The following PRPH2 variants were observed in gnomAD, a reference collection of about 807,000 sequenced individuals.
PRPH2 encodes peripherin-2.
In PRPH2, 17 loss-of-function variants were observed where a neutral mutation model predicts 31.3. The observed-to-expected ratio is 0.54, with a 90% CI of 0.37 to 0.81. PRPH2 has a LOEUF of 0.81. PRPH2 is among the 40% of genes least tolerant of loss of function. PRPH2 has a pLI of 0.00. For synonymous variants in PRPH2, 165 were observed against 184.4 expected (o/e 0.89, Z 0.85); for missense variants, 430 against 439.7 (o/e 0.98, Z 0.20).
At chr6:42,712,600 A>C (rs1225088240) in intron 1 of PRPH2, among the ~76,000 whole-genome samples, 1 of 152,154 alleles carries the variant, frequency 6.6e-6, no homozygotes, top group East Asian at 1.9e-4. Flanking sequence ...GCTAGGTGAT[A>C]GGGACGGGGT....
intron 1 of PRPH2, among the ~76,000 whole-genome samples, chr6:42,710,186 G>A (rs1800249109): frequency 6.6e-6 from 1 of 151,902 alleles, no homozygotes; most frequent in Non-Finnish European, 1.5e-5. Context: ...TGAAGACGGG[G>A]CTGTGTCTCC....
chr6:42,710,270 C>T (rs974074659), intron 1 of PRPH2, among the ~76,000 whole-genome samples: 7 of 152,142 alleles, frequency 4.6e-5, no homozygotes, highest in Non-Finnish European at 7.4e-5. Flanking sequence ...ATGGGGCTGT[C>T]TCCCCTCAAA....
At chr6:42,699,703 A>G (rs1029572930) in intron 2 of PRPH2, among the ~76,000 whole-genome samples, 3 of 152,212 alleles carry the variant, frequency 2.0e-5, no homozygotes, top group African/African-American at 4.8e-5. Flanking sequence ...CCTGGGCAAC[A>G]TAGCGAGACC....
chr6:42,704,755 A>T, intron 1 of PRPH2, 144 bp from the exon 2 acceptor site: 2 of 1,289,172 alleles, frequency 1.6e-6, no homozygotes, highest in Middle Eastern at 2.2e-4. Context: ...GCTACGTGCC[A>T]GTCACTGTTC....
At chr6:42,709,193 G>A (rs1347550966) in intron 1 of PRPH2, among the ~76,000 whole-genome samples, 2 of 152,080 alleles carry the variant, frequency 1.3e-5, no homozygotes, top group Non-Finnish European at 1.5e-5. Flanking sequence ...AGCCGGGCGT[G>A]GTGGCGGGCG....
chr6:42,711,196 G>A (rs564738284), intron 1 of PRPH2, among the ~76,000 whole-genome samples: 1 of 152,316 alleles, frequency 6.6e-6, no homozygotes, highest in Non-Finnish European at 1.5e-5. Flanking sequence ...ATTATCATGG[G>A]AGTGGGTTCC....
At chr6:42,708,761 G>A (rs1380263420) in intron 1 of PRPH2, among the ~76,000 whole-genome samples, 3 of 152,204 alleles carry the variant, frequency 2.0e-5, no homozygotes, top group Non-Finnish European at 4.4e-5. Flanking sequence ...ACACCACTGA[G>A]TCCTAAATAT....
In PRPH2 at chr6:42,704,552, C is replaced by T. The variant is rs61755804; in HGVS notation, c.641G>A (p.Cys214Tyr). The T allele has an allele frequency of 6.2e-7, 1 of 1,614,162 alleles. No homozygotes were observed. The change falls in exon 2 of 3, where the codon TGC becomes TAC. Residue 214 changes from cysteine to tyrosine, a missense_variant. Transcript: ENST00000230381. ...YLVDGVPFSCCNPSSPRPCIQ... is the reference protein window; with the variant it reads ...YLVDGVPFSCYNPSSPRPCIQ... ...GCAGGGCCGTGGCGAGCTAGGATTG[C>T]AGCAGCTGAAAGGGACGCCGTCCAC...
chr6:42,705,599 A>AAAAAATATATAT (rs1562424252), intron 1 of PRPH2, among the ~76,000 whole-genome samples: 19 of 21,466 alleles, frequency 8.9e-4, no homozygotes, highest in Admixed American at 2.6e-3. Flanking sequence ...AAAAAAAAAA[A>AAAAAATATATAT]ATATATATAT....
chr6:42,699,137 C>T (rs1237075337), intron 2 of PRPH2, among the ~76,000 whole-genome samples: 1 of 150,858 alleles, frequency 6.6e-6, no homozygotes, highest in African/African-American at 2.4e-5. Flanking sequence ...ACTACAAACT[C>T]TATCTCCTGT....
chr6:42,697,182 C>G lies in PRPH2; in HGVS notation c.*1113G>C, dbSNP rs1235072366. ...TCCTTCCCCTGAAAGCTTCTCTTTC[C>G]TAAAGAAAGTGAAAACTCCTGTATT... On this transcript the variant is annotated 3_prime_UTR_variant, in exon 3 of 3. Transcript: ENST00000230381. 6.6e-6 allele frequency: 1 copy of G among 152,112 alleles called. No individual in the cohort carries two copies. The highest frequency in any genetic ancestry group is 2.4e-5 in the African/African-American group (1 of 41,392). 9.4% of individuals were successfully genotyped at this position (152,112 alleles called of 1,614,324 possible).
chr6:42,697,904 C>T lies in PRPH2; in HGVS notation c.*391G>A, dbSNP rs1392642902. ...GGATAGAGTGAAGCAACATGGAGCT[C>T]ATAAGAGGTAAATTCTAAAAGGGGA... On this transcript the variant is annotated 3_prime_UTR_variant, in exon 3 of 3. Coordinates refer to ENST00000230381, the MANE Select transcript of PRPH2 (RefSeq NM_000322.5). 3 of 227,714 alleles carry T rather than the reference C, an allele frequency of 1.3e-5. No homozygotes were observed. Among genetic ancestry groups the T allele is most frequent in the Non-Finnish European group, 2.6e-5 (3 of 114,420 alleles). The allele number at this position is 227,714 out of a possible 1,614,324, so 14.1% of individuals were successfully genotyped here.
Position 42,698,932 on chromosome 6 carries a change from T to TCCTCCTCTACA in PRPH2, c.829-426_829-425insTGTAGAGGAGG, listed in dbSNP as rs1799998632. 2.0e-5 allele frequency among the ~76,000 whole-genome samples: 3 copies of TCCTCCTCTACA among 152,250 alleles called. No individual in the cohort carries two copies. In the South Asian group the frequency reaches 6.2e-4, roughly 32 times the overall value. On this transcript the variant is annotated intron_variant, in intron 2 of 2. Coordinates refer to ENST00000230381, the MANE Select transcript of PRPH2 (RefSeq NM_000322.5). ...GTCGCCCCCATCCCAGGTGCATTATTCCTGGGTGCCTTCACCTCTACACCC... is the reference window on the plus strand; with the variant it reads ...GTCGCCCCCATCCCAGGTGCATTATTCCTCCTCTACACCTGGGTGCCTTCACCTCTACACCC...
chr6:42,712,171 G>A (rs1179158917), intron 1 of PRPH2, among the ~76,000 whole-genome samples: 3 of 152,196 alleles, frequency 2.0e-5, no homozygotes, highest in Non-Finnish European at 4.4e-5. Context: ...GATTCTGCAG[G>A]ACACGTGGCC....
chr6:42,699,083 T>C (rs371323), intron 2 of PRPH2, among the ~76,000 whole-genome samples: 115,435 of 149,260 alleles, frequency 0.77, 44,826 homozygotes, highest in East Asian at 0.86. Context: ...AGACAAGTCT[T>C]ACTCTGTCAC....
chr6:42,715,626 G>A (rs1189719525), intron 1 of PRPH2, among the ~76,000 whole-genome samples: 3 of 151,938 alleles, frequency 2.0e-5, no homozygotes, highest in African/African-American at 4.8e-5. Flanking sequence ...AGCTGAGATC[G>A]TGCCACTGCA....
At chr6:42,703,614 C>A (rs994218346) in intron 2 of PRPH2, among the ~76,000 whole-genome samples, 1 of 152,132 alleles carries the variant, frequency 6.6e-6, no homozygotes, top group Non-Finnish European at 1.5e-5. Context: ...ATGAAATGTC[C>A]AAAATACATA....
chr6:42,699,559 C>A (rs1316569425), intron 2 of PRPH2, among the ~76,000 whole-genome samples: 1 of 152,074 alleles, frequency 6.6e-6, no homozygotes, highest in Admixed American at 6.6e-5. Flanking sequence ...TGGTGCCCAC[C>A]CCGTGTGGAT....
chr6:42,722,078 A>G lies in PRPH2; in HGVS notation c.257T>C (p.Leu86Pro). ...SLAGKICYDA[L>P]DPAKYARWKP... ...CCATCTGGCATACTTGGCTGGGTCC[A>G]GGGCGTCGTAGCAGATCTTCCCAGC... The change falls in exon 1 of 3, where the codon CTG becomes CCG. Residue 86 changes from leucine (L) to proline (P), a missense_variant. Coordinates refer to ENST00000230381, the MANE Select transcript of PRPH2 (RefSeq NM_000322.5). This position sits in a 1 kb window ranked among gnomAD's most constrained non-coding sequence, Gnocchi z 4.4. 1.2e-6 allele frequency: 2 copies of G among 1,614,194 alleles called. No homozygotes were observed. The highest frequency in any genetic ancestry group is 1.7e-6 in the Non-Finnish European group (2 of 1,180,032).
Sources: gnomAD v4.1 joint callset for allele counts (sites outside exome capture counted in the v4.1 genomes callset) on GRCh38, gnomAD v4.1.1 for gene constraint, Gnocchi (gnomAD v3.1) non-coding constraint, MANE v1.5 for transcripts, NCBI Gene and HGNC (gene_info 2026-07-23, HGNC 2026-07-21) for gene names.